LEF1: variants seen among roughly 807,000 people sequenced by gnomAD.
LEF1 encodes the protein lymphoid enhancer-binding factor 1.
In LEF1, 14 loss-of-function variants were observed where a neutral mutation model predicts 51.2. The ratio of observed to expected loss-of-function variants is 0.27; its 90% CI spans 0.18 to 0.43. The LOEUF (loss-of-function observed/expected upper bound fraction) is 0.43. Among genes scored for constraint, LEF1 ranks in the 20% least tolerant of loss-of-function variants. The pLI is 1.00. For missense variants in LEF1, 386 were observed against 512.0 expected, an observed-to-expected ratio of 0.75 and a Z score of 2.37; for synonymous variants, 185 against 183.2, an observed-to-expected ratio of 1.01 and a Z score of -0.08.
At chr4:108,158,255 C>T (rs747470524) in intron 3 of LEF1, among the ~76,000 whole-genome samples, 1 of 152,150 alleles carries the variant, frequency 6.6e-6, no homozygotes, top group Non-Finnish European at 1.5e-5. Context: ...AATCCAATGG[C>T]TGCCTTTTCT....
At chr4:108,103,920 C>A (rs1691562955) in intron 3 of LEF1, among the ~76,000 whole-genome samples, 1 of 152,150 alleles carries the variant, frequency 6.6e-6, no homozygotes, top group African/African-American at 2.4e-5. Context: ...TGATGCCACT[C>A]CTTCTGAAAG....
chr4:108,086,920 G>T (rs1176191454), intron 4 of LEF1, among the ~76,000 whole-genome samples: 1 of 151,700 alleles, frequency 6.6e-6, no homozygotes, highest in South Asian at 2.1e-4. Flanking sequence ...AATGAGCTCT[G>T]CTGGCAAACA....
chr4:108,101,015 T>C (rs1366904912), intron 3 of LEF1, among the ~76,000 whole-genome samples: 1 of 152,196 alleles, frequency 6.6e-6, no homozygotes, highest in Admixed American at 6.6e-5. Context: ...TGTAGGCATT[T>C]GTCCCTAATT....
chr4:108,053,861 A>T (rs1452072793), intron 11 of LEF1, among the ~76,000 whole-genome samples: 1 of 152,182 alleles, frequency 6.6e-6, no homozygotes, highest in African/African-American at 2.4e-5. Context: ...GAGGGTAATA[A>T]CTAGCTAGGT....
intron 3 of LEF1, among the ~76,000 whole-genome samples, chr4:108,097,715 T>G (rs1740488189): frequency 6.8e-6 from 1 of 147,418 alleles, no homozygotes; most frequent in South Asian, 2.2e-4. Context: ...ATACCTATTA[T>G]GTACCCATAA....
chr4:108,063,704 G>A (rs751579963), intron 10 of LEF1, 41 bp from the exon 11 acceptor site: 1 of 1,401,038 alleles, frequency 7.1e-7, no homozygotes, highest in African/African-American at 1.5e-5. Context: ...TATTGAAGAG[G>A]TTTTTGTACA....
chr4:108,082,190 G>C (rs1296920859), intron 5 of LEF1, among the ~76,000 whole-genome samples: 1 of 152,058 alleles, frequency 6.6e-6, no homozygotes, highest in African/African-American at 2.4e-5. Flanking sequence ...TAATTCACTG[G>C]AATTATTTTC....
intron 1 of LEF1, 164 bp from the exon 2 acceptor site, chr4:108,165,327 C>G: frequency 5.3e-6 from 3 of 561,166 alleles, no homozygotes. Context: ...CTGCATAATC[C>G]TTTTCTTGTC....
chr4:108,133,135 G>C (rs1484715204), intron 3 of LEF1, among the ~76,000 whole-genome samples: 1 of 152,044 alleles, frequency 6.6e-6, no homozygotes, highest in South Asian at 2.1e-4. Context: ...CACCATGCCT[G>C]GCTAATTTTT....
intron 3 of LEF1, among the ~76,000 whole-genome samples, chr4:108,149,541 C>T (rs1257730146): frequency 6.9e-6 from 1 of 145,768 alleles, no homozygotes; most frequent in African/African-American, 2.5e-5. Context: ...AACAAAAAAA[C>T]TTTAACATCC....
At chr4:108,067,481 C>T (rs556319785) in intron 9 of LEF1, among the ~76,000 whole-genome samples, 5 of 151,926 alleles carry the variant, frequency 3.3e-5, no homozygotes, top group Non-Finnish European at 7.4e-5. Flanking sequence ...TTAGCTCTCC[C>T]CCTTTAGACA....
At chr4:108,137,510 G>A (rs1743375132) in intron 3 of LEF1, among the ~76,000 whole-genome samples, 1 of 152,214 alleles carries the variant, frequency 6.6e-6, no homozygotes, top group African/African-American at 2.4e-5. Context: ...GATAGGAAAA[G>A]AGGAAAGTGG....
At chr4:108,150,112 CT>C (rs1347416212) in intron 3 of LEF1, among the ~76,000 whole-genome samples, 2 of 152,176 alleles carry the variant, frequency 1.3e-5, no homozygotes, top group Non-Finnish European at 2.9e-5. Context: ...ACTAATTTCT[CT>C]TATTTAAACC....
At chr4:108,110,516 A>C (rs1741462105) in intron 3 of LEF1, among the ~76,000 whole-genome samples, 2 of 152,142 alleles carry the variant, frequency 1.3e-5, no homozygotes, top group Admixed American at 1.3e-4. Context: ...TTTTTTCCCC[A>C]CTAAAGAGAC....
At chr4:108,080,113 T>C (rs1739186441) in intron 6 of LEF1, among the ~76,000 whole-genome samples, 1 of 152,156 alleles carries the variant, frequency 6.6e-6, no homozygotes, top group South Asian at 2.1e-4. Context: ...AGAAATACAC[T>C]AATGTTTCAG....
At chr4:108,074,045 T>C (rs939938187) in intron 8 of LEF1, among the ~76,000 whole-genome samples, 12 of 152,206 alleles carry the variant, frequency 7.9e-5, no homozygotes, top group Non-Finnish European at 1.8e-4. Context: ...CAGGAAGTTC[T>C]CTGATATTTC....
At chr4:108,147,466 T>C (rs568944164) in intron 3 of LEF1, among the ~76,000 whole-genome samples, 53 of 152,322 alleles carry the variant, frequency 3.5e-4, no homozygotes, top group African/African-American at 1.2e-3. Flanking sequence ...GTTTTTTCCT[T>C]ATACCCAGCC....
chr4:108,119,993 A>ATGTG (rs34987010), intron 3 of LEF1, among the ~76,000 whole-genome samples: 111 of 149,590 alleles, frequency 7.4e-4, no homozygotes, highest in African/African-American at 2.4e-3. Context: ...TATTTTATAT[A>ATGTG]TGTGTGTGTG....
chr4:108,102,583 CAT>C (rs1260499066), intron 3 of LEF1, among the ~76,000 whole-genome samples: 1 of 152,150 alleles, frequency 6.6e-6, no homozygotes, highest in African/African-American at 2.4e-5. Flanking sequence ...GAGTCAGTTG[CAT>C]AGACATAAAG....
Sources: gnomAD v4.1 joint callset for allele counts (sites outside exome capture counted in the v4.1 genomes callset) on GRCh38, gnomAD v4.1.1 for gene constraint, MANE v1.5 for transcripts, NCBI Gene and HGNC (gene_info 2026-07-23, HGNC 2026-07-21) for gene names.